The following SLC26A9 variants were observed in gnomAD, a reference collection of about 807,000 sequenced individuals.
The protein encoded by SLC26A9 is anion transporter/exchanger protein 9.
A neutral mutation model predicts 87.1 loss-of-function variants in SLC26A9; 46 were observed. That is an observed-to-expected ratio of 0.53 (90% confidence interval 0.42 to 0.67). The LOEUF (loss-of-function observed/expected upper bound fraction) is 0.67. SLC26A9 is among the 30% of genes least tolerant of loss of function. SLC26A9 has a pLI of 0.00. For missense variants in SLC26A9, 927 were observed against 1,018.3 expected (o/e 0.91, Z 1.22); for synonymous variants, 437 against 409.1 (o/e 1.07, Z -0.82).
chr1:205,921,800 G>T lies in SLC26A9; in HGVS notation c.1821C>A (p.Pro607=), dbSNP rs1477467503. 6.2e-7 allele frequency: 1 copy of T among 1,606,432 alleles called. No individual in the cohort carries two copies. The highest frequency in any genetic ancestry group is 1.7e-5 in the Admixed American group (1 of 59,060). The change falls in exon 17 of 21, where the codon CCC becomes CCA. Residue 607 remains proline (P), a synonymous_variant. Transcript: ENST00000367135. The stretch of plus-strand genomic sequence containing the variant: ...GGGTCTGGTTGTTGTTGGGGTCGGT[G>T]GGGGGCGCATTCTCAAAGTCCTGCT... The part of the protein sequence containing the change: ...ELQQDFENAP[P]TDPNNNQTPA...
chr1:205,927,646 G>A (rs758233659), intron 9 of SLC26A9, 41 bp from the exon 10 acceptor site: 9 of 1,575,644 alleles, frequency 5.7e-6, no homozygotes, highest in Non-Finnish European at 7.8e-6. Flanking sequence ...TGTGGGGCTG[G>A]GGGGCACGGG....
chr1:205,932,919 A>G lies in SLC26A9; in HGVS notation c.265+26T>C, dbSNP rs1275638716. The G allele has an allele frequency of 6.2e-6, 10 of 1,613,282 alleles. No homozygotes were observed. The South Asian group carries it at 1.1e-4, about 18-fold the overall frequency. On this transcript the variant is annotated intron_variant, in intron 3 of 20. Transcript: ENST00000367135. ...GGAATGGTGAGGGGAGTGGCAATCC[A>G]GGCCTGGCTGAAGGAGCCCCTTCAC... is the stretch of plus-strand genomic sequence containing the variant.
At chr1:205,935,976 C>G in intron 1 of SLC26A9, 138 bp from the exon 2 acceptor site, 1 of 1,101,528 alleles carries the variant, frequency 9.1e-7, no homozygotes, top group Non-Finnish European at 1.2e-6. Context: ...TGCCTCCCTT[C>G]CCTCTGTCAA....
chr1:205,931,848 C>T lies in SLC26A9; in HGVS notation c.552+12G>A, dbSNP rs2102594388. The T allele has an allele frequency of 6.2e-7, 1 of 1,609,220 alleles. No homozygotes were observed. The highest frequency in any genetic ancestry group is 2.2e-5 in the East Asian group (1 of 44,800). On this transcript the variant is annotated intron_variant, in intron 5 of 20. Coordinates refer to ENST00000367135, the MANE Select transcript of SLC26A9 (RefSeq NM_052934.4). ...GATGCCCTTCTAGCAGGGTTGGGGG[C>T]TGCCCCCTCACCTGGATGATGGCGG...
rs768708252 is a variant in SLC26A9, at chr1:205,923,190, G to T, written c.1665C>A (p.Gly555=). The T allele has an allele frequency of 3.1e-6, 5 of 1,614,028 alleles. No individual in the cohort carries two copies. In the African/African-American group the frequency reaches 6.7e-5, roughly 22 times the overall value. Residue 555 remains glycine (G), a synonymous_variant, in exon 16 of 21, where the codon GGC becomes GGA. Coordinates refer to ENST00000367135, the MANE Select transcript of SLC26A9 (RefSeq NM_052934.4). ...IFRQKVIAKT[G]MDPQKVLLAK... ...CTAGTAATACTTTCTGGGGGTCCAT[G>T]CCTGTCTGCAGGGAGAGAGCCAACA...
In SLC26A9 at chr1:205,926,603, T is replaced by A; in HGVS notation, c.1321A>T (p.Asn441Tyr). Residue 441 changes from asparagine to tyrosine, a missense_variant, in exon 12 of 21, where the codon AAT becomes TAT. Asn to Tyr is a moderately radical substitution (Grantham distance 143). Transcript: ENST00000367135. ...AGTTGCTTGAGGGAGTTCTTGAGATTGACAGCGATCAGGGCTCCTAGCACA... is the reference window on the plus strand; with the variant it reads ...AGTTGCTTGAGGGAGTTCTTGAGATAGACAGCGATCAGGGCTCCTAGCACA... ...KSVLGALIAV[N>Y]LKNSLKQLTD... 1 of 1,614,078 alleles carries A rather than the reference T, an allele frequency of 6.2e-7. No individual in the cohort carries two copies. Among genetic ancestry groups the A allele is most frequent in the Non-Finnish European group, 8.5e-7 (1 of 1,179,982 alleles).
intron 2 of SLC26A9, 75 bp from the exon 3 acceptor site, chr1:205,933,159 A>G: frequency 6.4e-7 from 1 of 1,570,042 alleles, no homozygotes; most frequent in Non-Finnish European, 8.7e-7. Flanking sequence ...GGATTATCAT[A>G]TCCTGCTCAT....
In SLC26A9 at chr1:205,935,038, G is replaced by A. The variant is rs555762043; in HGVS notation, c.125+658C>T. ...GCCAGAGGAGGTCTGCCAGGAGTCT[G>A]GGAATGGGGAGGGTGACACCCGCAG... On this transcript the variant is annotated intron_variant, in intron 2 of 20. Coordinates refer to ENST00000367135, the MANE Select transcript of SLC26A9 (RefSeq NM_052934.4). 6 of 152,408 alleles carry A rather than the reference G, an allele frequency of 3.9e-5. No individual in the cohort carries two copies. In the South Asian group the frequency reaches 1.2e-3, roughly 32 times the overall value. The allele number at this position is 152,408 out of a possible 1,614,324, so 9.4% of individuals were successfully genotyped here. A position where few individuals can be genotyped will look rare whatever the true frequency, so the allele number is the denominator to read the frequency against.
intron 12 of SLC26A9, 37 bp from the exon 13 acceptor site, chr1:205,924,526 A>G (rs772002148): frequency 6.3e-7 from 1 of 1,593,830 alleles, no homozygotes; most frequent in East Asian, 2.2e-5. Flanking sequence ...GACCTGGGGA[A>G]AAAACAACCT....
At chr1:205,926,408 A>C (rs1048023392) in intron 12 of SLC26A9, 127 bp downstream of exon 12, 9 of 733,832 alleles carry the variant, frequency 1.2e-5, no homozygotes, top group Non-Finnish European at 1.7e-5. Flanking sequence ...ACTTTTAACC[A>C]CTCATCTCAT....
At chr1:205,917,649 T>G (rs1445855700) in intron 19 of SLC26A9, among the ~76,000 whole-genome samples, 1 of 152,160 alleles carries the variant, frequency 6.6e-6, no homozygotes, top group Admixed American at 6.5e-5. Flanking sequence ...CCTTGGGGAA[T>G]TCCTGTCCTC....
chr1:205,914,945 A>T lies in SLC26A9; in HGVS notation c.*412T>A. ...GACACCGAGCCGTGTGGGCTCTGGG[A>T]CACTTTTTGAAGCTTGTACAGCAGG... On this transcript the variant is annotated 3_prime_UTR_variant, in exon 21 of 21. Transcript: ENST00000367135. 1 of 1,614,132 alleles carries T rather than the reference A, an allele frequency of 6.2e-7. No homozygotes were observed. The highest frequency in any genetic ancestry group is 8.5e-7 in the Non-Finnish European group (1 of 1,180,036).
chr1:205,923,214 C>T lies in SLC26A9; in HGVS notation c.1660-19G>A, dbSNP rs765244419. On this transcript the variant is annotated intron_variant, in intron 15 of 20. Transcript: ENST00000367135. The stretch of plus-strand genomic sequence containing the variant: ...TGCCTGTCTGCAGGGAGAGAGCCAA[C>T]AGCAATCTTGACCTCCACCCTCTAT... 2 of 1,613,478 alleles carry T rather than the reference C, an allele frequency of 1.2e-6. No individual in the cohort carries two copies. Among genetic ancestry groups the T allele is most frequent in the Non-Finnish European group, 1.7e-6 (2 of 1,179,406 alleles).
At chr1:205,936,783 A>G (rs1410496343) in intron 1 of SLC26A9, among the ~76,000 whole-genome samples, 1 of 152,116 alleles carries the variant, frequency 6.6e-6, no homozygotes, top group Non-Finnish European at 1.5e-5. Context: ...CCAGTTTGGC[A>G]AAAGATTTGA....
Position 205,914,735 on chromosome 1 carries a change from G to C in SLC26A9, c.*622C>G. The C allele has an allele frequency of 1.1e-6, 1 of 904,024 alleles. No homozygotes were observed. The highest frequency in any genetic ancestry group is 1.7e-6 in the Non-Finnish European group (1 of 603,824). 56.0% of individuals were successfully genotyped at this position (904,024 alleles called of 1,614,324 possible). The stretch of plus-strand genomic sequence containing the variant: ...TGATGTGCTTGCTGACAGCAGTGGT[G>C]GTTTGGGCAGCCTTGGGGATGATGG... On this transcript the variant is annotated 3_prime_UTR_variant, in exon 21 of 21. Coordinates refer to ENST00000367135, the MANE Select transcript of SLC26A9 (RefSeq NM_052934.4).
chr1:205,939,343 C>A (rs1659645272), intron 1 of SLC26A9, among the ~76,000 whole-genome samples: 1 of 152,320 alleles, frequency 6.6e-6, no homozygotes, highest in South Asian at 2.1e-4. Context: ...ATGCCCCTTT[C>A]TGACCACCCT....
At chr1:205,933,775 C>T (rs970500881) in intron 2 of SLC26A9, among the ~76,000 whole-genome samples, 13 of 152,286 alleles carry the variant, frequency 8.5e-5, no homozygotes, top group Middle Eastern at 3.4e-3. Context: ...TACCGGAGTT[C>T]TTTCTCCTGT....
rs1659188712 is a variant in SLC26A9 at position 205,928,859 on chromosome 1, A to T, written c.921T>A (p.Tyr307Ter). Residue 307 changes from tyrosine to a stop codon, truncating the protein, a stop_gained, in exon 8 of 21, where the codon TAT (tyrosine) becomes TAA (stop). Transcript: ENST00000367135. LOFTEE classifies it high-confidence loss of function. The part of the protein sequence containing the change: ...ISGGCKMPKK[Y>*]HMQIVGEIQR... ...GGATTTCTCCCACGATCTGCATGTG[A>T]TACTTTTTGGGCATCTTACAGCCCC... 1.2e-6 allele frequency: 2 copies of T among 1,613,992 alleles called. No homozygotes were observed. The highest frequency in any genetic ancestry group is 4.5e-5 in the East Asian group (2 of 44,862).
Position 205,915,062 on chromosome 1 carries a change from T to TGGGTG in SLC26A9, c.*290_*294dup, listed in dbSNP as rs762502181. On this transcript the variant is annotated 3_prime_UTR_variant, in exon 21 of 21. Transcript: ENST00000367135. ...TCAGCTGCCAAGGACAGGGCAGAGG[T>TGGGTG]GGGTGGGGTGGAGTGAGCAGGAGGC... is the stretch of plus-strand genomic sequence containing the variant. 1.4e-5 allele frequency: 22 copies of TGGGTG among 1,613,492 alleles called. No homozygotes were observed. In the African/African-American group the frequency reaches 2.7e-4, roughly 20 times the overall value.
Sources: gnomAD v4.1 joint callset for allele counts (sites outside exome capture counted in the v4.1 genomes callset) on GRCh38, gnomAD v4.1.1 for gene constraint, MANE v1.5 for transcripts, NCBI Gene and HGNC (gene_info 2026-07-23, HGNC 2026-07-21) for gene names.